Variants in MYH10 observed in about 807,000 individuals in gnomAD.
MYH10 encodes myosin-10.
MYH10 carries 55 observed loss-of-function variants against 257.8 expected under a neutral mutation model. The observed-to-expected ratio is 0.21, with a 90% CI of 0.17 to 0.27. The LOEUF is 0.27. Among genes scored for constraint, MYH10 ranks in the 10% least tolerant of loss-of-function variants. The pLI, the probability that MYH10 is intolerant of heterozygous loss-of-function variation, is 1.00. For synonymous variants in MYH10, 854 were observed against 921.7 expected, an observed-to-expected ratio of 0.93 and a Z score of 1.33; for missense variants, 1,631 against 2,500.6, an observed-to-expected ratio of 0.65 and a Z score of 7.42.
intron 8 of MYH10, among the ~76,000 whole-genome samples, chr17:8,553,104 G>A (rs1374707545): frequency 6.6e-6 from 1 of 152,164 alleles, no homozygotes; most frequent in East Asian, 1.9e-4. Context: ...TTTTAAGTCA[G>A]ACTATCCCAC....
intron 3 of MYH10, among the ~76,000 whole-genome samples, chr17:8,602,569 C>T (rs1425512293): frequency 6.6e-6 from 1 of 152,160 alleles, no homozygotes; most frequent in African/African-American, 2.4e-5. Flanking sequence ...AGCAGGTAGC[C>T]CCCTACTTAC....
rs1271691405 is a variant in MYH10, at chr17:8,480,182, T to C, written c.5525A>G (p.Lys1842Arg). 1 of 1,614,182 alleles carries C rather than the reference T, an allele frequency of 6.2e-7. No homozygotes were observed. The highest frequency in any genetic ancestry group is 2.2e-5 in the East Asian group (1 of 44,886). ...LQELEGAVKS[K>R]FKATISALEA... ...CAGGGCTGAGATGGTGGCCTTGAACTTAGACTTGACAGCACCCTCGAGTTC... is the reference window on the plus strand; with the variant it reads ...CAGGGCTGAGATGGTGGCCTTGAACCTAGACTTGACAGCACCCTCGAGTTC... Residue 1842 changes from lysine (K) to arginine (R), a missense_variant, in exon 40 of 43, where the codon AAG (lysine) becomes AGG (arginine). Around this residue, in one of 11 missense-constraint regions of MYH10, gnomAD observed 343 missense variants for 389.5 expected, o/e 0.88. Coordinates refer to ENST00000360416, the MANE Select transcript of MYH10 (RefSeq NM_001256012.3).
chr17:8,613,931 A>G (rs984430604), intron 2 of MYH10, among the ~76,000 whole-genome samples: 2 of 152,216 alleles, frequency 1.3e-5, no homozygotes, highest in African/African-American at 4.8e-5. Flanking sequence ...AGACTTTGCA[A>G]GAAAACAACA....
At chr17:8,575,442 A>C (rs2083468505) in intron 6 of MYH10, among the ~76,000 whole-genome samples, 1 of 152,206 alleles carries the variant, frequency 6.6e-6, no homozygotes, top group South Asian at 2.1e-4. Flanking sequence ...TTGGCAAAGA[A>C]GCTTTTAAAT....
intron 34 of MYH10, among the ~76,000 whole-genome samples, chr17:8,491,231 A>G (rs1364643806): frequency 6.6e-6 from 1 of 152,208 alleles, no homozygotes; most frequent in African/African-American, 2.4e-5. Flanking sequence ...GAATCCTAGG[A>G]CAGGAGGAAG....
intron 1 of MYH10, among the ~76,000 whole-genome samples, chr17:8,627,330 C>T (rs1176389384): frequency 1.3e-5 from 2 of 152,152 alleles, no homozygotes; most frequent in South Asian, 2.1e-4. Context: ...TCAATATTTA[C>T]GTGAATGGTC....
chr17:8,529,402 C>T (rs2081952236), intron 17 of MYH10, among the ~76,000 whole-genome samples: 1 of 152,208 alleles, frequency 6.6e-6, no homozygotes, highest in South Asian at 2.1e-4. Flanking sequence ...AAAGAGGGCA[C>T]TCACTTTAGG....
rs1195601285 is a variant in MYH10, at chr17:8,552,529, T to C, written c.821-385A>G. On this transcript the variant is annotated intron_variant, in intron 8 of 42. Coordinates refer to ENST00000360416, the MANE Select transcript of MYH10 (RefSeq NM_001256012.3). This position sits in a 1 kb window ranked among gnomAD's most constrained non-coding sequence, Gnocchi z 4.8. ...GTTTAAGGCAGGAGAAGCTCTATAATACCAGATTAACACAATTTTATAAAT... is the reference window on the plus strand; with the variant it reads ...GTTTAAGGCAGGAGAAGCTCTATAACACCAGATTAACACAATTTTATAAAT... 6.6e-6 allele frequency among the ~76,000 whole-genome samples: 1 copy of C among 152,234 alleles called. No individual in the cohort carries two copies. The highest frequency in any genetic ancestry group is 1.5e-5 in the Non-Finnish European group (1 of 68,042).
Position 8,512,345 on chromosome 17 carries a change from T to C in MYH10, c.2952+106A>G, listed in dbSNP as rs1265037110. The C allele has an allele frequency of 1.7e-5, 15 of 872,156 alleles. 1 individual carries two copies. Among genetic ancestry groups the C allele is most frequent in the Middle Eastern group, 3.6e-4 (1 of 2,804 alleles). The allele number at this position is 872,156 out of a possible 1,614,324, so 54.0% of individuals were successfully genotyped here. The stretch of plus-strand genomic sequence containing the variant: ...GTGGCTTCTCATAACCCAGAACCCT[T>C]TTGCTTCTCTGTGGACTTAAGAATC... On this transcript the variant is annotated intron_variant, in intron 24 of 42. Transcript: ENST00000360416.
Position 8,478,390 on chromosome 17 carries a change from A to G in MYH10, c.5654T>C (p.Ile1885Thr), listed in dbSNP as rs776800717. The change falls in exon 41 of 43, where the codon ATC (isoleucine) becomes ACC (threonine). Residue 1885 changes from isoleucine (I) to threonine (T), a missense_variant. Around this residue, in one of 11 missense-constraint regions of MYH10, gnomAD observed 343 missense variants for 389.5 expected, o/e 0.88. Coordinates refer to ENST00000360416, the MANE Select transcript of MYH10 (RefSeq NM_001256012.3). ...ACGCTCATCCTCAACCTGCATGAAG[A>G]TTTCTTTCAGCTTCTTCTCAGTGCG... ...VRRTEKKLKE[I>T]FMQVEDERRH... The G allele has an allele frequency of 6.6e-5, 106 of 1,614,042 alleles. No individual in the cohort carries two copies. Among genetic ancestry groups the G allele is most frequent in the Non-Finnish European group, 8.6e-5 (101 of 1,180,032 alleles).
At chr17:8,598,045 G>A (rs188787256) in intron 3 of MYH10, among the ~76,000 whole-genome samples, 162 of 151,380 alleles carry the variant, frequency 1.1e-3, no homozygotes, top group Non-Finnish European at 1.9e-3. Context: ...CAGTGGGCGT[G>A]ATCTCAGCTC....
chr17:8,562,362 C>T (rs1384619082), intron 7 of MYH10, among the ~76,000 whole-genome samples: 4 of 152,162 alleles, frequency 2.6e-5, no homozygotes, highest in East Asian at 1.9e-4. Flanking sequence ...GGCGGCAGGC[C>T]GAGGGGAGAG....
intron 19 of MYH10, among the ~76,000 whole-genome samples, 168 bp from the exon 20 acceptor site, chr17:8,519,118 T>C (rs1254962327): frequency 2.0e-5 from 3 of 152,260 alleles, no homozygotes; most frequent in Non-Finnish European, 2.9e-5. Flanking sequence ...ATGTTTTCTG[T>C]AGATCTACTT....
chr17:8,492,650 C>CT, intron 33 of MYH10, 126 bp downstream of exon 33: 1 of 851,014 alleles, frequency 1.2e-6, no homozygotes, highest in Admixed American at 4.5e-5. Flanking sequence ...TTTTTTTTTG[C>CT]TTTCCCTTTT....
intron 10 of MYH10, 99 bp from the exon 11 acceptor site, chr17:8,548,507 C>T: frequency 7.1e-7 from 1 of 1,409,962 alleles, no homozygotes; most frequent in Non-Finnish European, 9.7e-7. Flanking sequence ...CTATACAAAA[C>T]TTTTCAGTAA....
Position 8,589,077 on chromosome 17 carries a change from T to G in MYH10, c.530+4A>C. 1 of 1,613,408 alleles carries G rather than the reference T, an allele frequency of 6.2e-7. No homozygotes were observed. Among genetic ancestry groups the G allele is most frequent in the Non-Finnish European group, 8.5e-7 (1 of 1,179,668 alleles). ...ACAAATCTGAACATTCAACATTTAC[T>G]TACGTGCAAAGAATTGACTGGTCCT... On this transcript the variant is annotated splice_donor_region_variant and intron_variant, in intron 4 of 42. Coordinates refer to ENST00000360416, the MANE Select transcript of MYH10 (RefSeq NM_001256012.3).
rs971471537 is a variant in MYH10 at position 8,477,810 on chromosome 17, C to T, written c.5706+528G>A. Among the ~76,000 whole-genome samples the T allele has an allele frequency of 6.6e-6, 1 of 152,126 alleles. No individual in the cohort carries two copies. The highest frequency in any genetic ancestry group is 2.4e-5 in the African/African-American group (1 of 41,410). The stretch of plus-strand genomic sequence containing the variant: ...GGAGCGGGAGGGAGGGTATAGCTGC[C>T]CACGCTGCAATCAGGGCAGGCCTGA... On this transcript the variant is annotated intron_variant, in intron 41 of 42. Transcript: ENST00000360416. The surrounding 1 kb of genome is among the most constrained non-coding windows in gnomAD (Gnocchi z 4.2).
At chr17:8,500,726 C>T (rs1917392067) in intron 29 of MYH10, 100 bp downstream of exon 29, 1 of 1,407,676 alleles carries the variant, frequency 7.1e-7, no homozygotes, top group Non-Finnish European at 9.5e-7. Context: ...GAGGCTGGAG[C>T]CTAATCAATA....
intron 1 of MYH10, among the ~76,000 whole-genome samples, chr17:8,623,989 G>A (rs1008502927): frequency 1.1e-4 from 16 of 152,048 alleles, no homozygotes; most frequent in African/African-American, 3.6e-4. Flanking sequence ...TTCCCCTGCC[G>A]GATCTCTCGC....
Sources: gnomAD v4.1 joint callset for allele counts (sites outside exome capture counted in the v4.1 genomes callset) on GRCh38, gnomAD v4.1.1 for gene constraint, gnomAD v4.1.1 regional missense constraint, Gnocchi (gnomAD v3.1) non-coding constraint, MANE v1.5 for transcripts, NCBI Gene and HGNC (gene_info 2026-07-23, HGNC 2026-07-21) for gene names.